Variants in PDGFRA observed in about 807,000 individuals in gnomAD.
PDGFRA encodes the protein platelet-derived growth factor receptor alpha.
In PDGFRA, 25 loss-of-function variants were observed where a neutral mutation model predicts 121.5. The observed-to-expected ratio is 0.21, with a 90% CI of 0.15 to 0.29. The LOEUF is 0.29. Ranked by LOEUF, PDGFRA falls within the 10% of genes least tolerant of loss-of-function variation. PDGFRA has a pLI of 1.00. For synonymous variants in PDGFRA, 463 were observed against 494.8 expected (o/e 0.94, Z 0.85); for missense variants, 1,008 against 1,345.1 (o/e 0.75, Z 3.92).
rs377696807 is a variant in PDGFRA at position 54,273,768 on chromosome 4, G to A, written c.1558+38G>A. 3.9e-6 allele frequency: 6 copies of A among 1,538,914 alleles called. No individual in the cohort carries two copies. In the African/African-American group the frequency reaches 5.4e-5, roughly 14 times the overall value. Reference sequence around the variant, plus strand: ...ACAGTCAGGACAACTCATCAGCTGAGCCGCATCTGCCCCAGGCGGAACTTT... The same window carrying A: ...ACAGTCAGGACAACTCATCAGCTGAACCGCATCTGCCCCAGGCGGAACTTT... On this transcript the variant is annotated intron_variant, in intron 10 of 22. Coordinates refer to ENST00000257290, the MANE Select transcript of PDGFRA (RefSeq NM_006206.6).
At chr4:54,239,754 G>A (rs552746235) in intron 1 of PDGFRA, among the ~76,000 whole-genome samples, 80 of 152,282 alleles carry the variant, frequency 5.3e-4, no homozygotes, top group African/African-American at 1.6e-3. Context: ...ATGGGAGCAC[G>A]CCTGGCTGGC....
At chr4:54,236,496 A>C (rs1237537043) in intron 1 of PDGFRA, among the ~76,000 whole-genome samples, 2 of 152,224 alleles carry the variant, frequency 1.3e-5, no homozygotes, top group Admixed American at 1.3e-4. Flanking sequence ...GTTATAGATA[A>C]GTAATGACAT....
At chr4:54,271,408 T>TA (rs1180707856) in intron 8 of PDGFRA, among the ~76,000 whole-genome samples, 1 of 152,220 alleles carries the variant, frequency 6.6e-6, no homozygotes, top group Non-Finnish European at 1.5e-5. Flanking sequence ...CCTAATAACA[T>TA]ACCACAGATG....
At chr4:54,285,219 A>G (rs1724278524) in intron 16 of PDGFRA, 152 bp from the exon 17 acceptor site, 1 of 650,290 alleles carries the variant, frequency 1.5e-6, no homozygotes, top group Non-Finnish European at 2.8e-6. Context: ...TCTAAGATAG[A>G]ATCTTTGCAT....
rs776018656 is a variant in PDGFRA at position 54,258,782 on chromosome 4, A to T, written c.14A>T (p.His5Leu). The T allele has an allele frequency of 6.2e-7, 1 of 1,613,650 alleles. No individual in the cohort carries two copies. Residue 5 changes from histidine (H) to leucine (L), a missense_variant, in exon 2 of 23, where the codon CAT (histidine) becomes CTT (leucine). By Grantham distance (99) the His-to-Leu change is moderately conservative. This residue lies in a region of PDGFRA where 575 missense variants were observed against 701.8 expected (regional missense o/e 0.82). Transcript: ENST00000257290. MGTSHPAFLVLGCLL... is the reference protein window; with the variant it reads MGTSLPAFLVLGCLL... ...TTTCCCAGAGCTATGGGGACTTCCC[A>T]TCCGGCGTTCCTGGTCTTAGGCTGT...
intron 1 of PDGFRA, among the ~76,000 whole-genome samples, chr4:54,247,324 A>T (rs1468303719): frequency 6.6e-6 from 1 of 152,198 alleles, no homozygotes; most frequent in East Asian, 1.9e-4. Context: ...TCCTCAATAA[A>T]ATACTGGCAA....
chr4:54,246,640 C>A (rs1036877059), intron 1 of PDGFRA, among the ~76,000 whole-genome samples: 1 of 151,962 alleles, frequency 6.6e-6, no homozygotes, highest in Non-Finnish European at 1.5e-5. Context: ...GTCACCCTAA[C>A]ATCACAATTA....
intron 15 of PDGFRA, chr4:54,278,903 C>T: frequency 2.2e-6 from 1 of 464,884 alleles, no homozygotes; most frequent in Non-Finnish European, 4.3e-6. Context: ...GAACCTGGAC[C>T]TATAAATGAC....
At chr4:54,255,927 A>G (rs1370029682) in intron 1 of PDGFRA, among the ~76,000 whole-genome samples, 1 of 152,162 alleles carries the variant, frequency 6.6e-6, no homozygotes, top group Non-Finnish European at 1.5e-5. Flanking sequence ...GGCCCACTCC[A>G]TTGCATGAGT....
chr4:54,234,177 A>G (rs922178015), intron 1 of PDGFRA, among the ~76,000 whole-genome samples: 3 of 152,106 alleles, frequency 2.0e-5, no homozygotes, highest in Non-Finnish European at 4.4e-5. Flanking sequence ...GATGGGGATG[A>G]TGATGGGGAT....
In PDGFRA at chr4:54,267,641, G is replaced by T. The variant is rs1723115312; in HGVS notation, c.1021G>T (p.Ala341Ser). 6.2e-7 allele frequency: 1 copy of T among 1,613,732 alleles called. No homozygotes were observed. The highest frequency in any genetic ancestry group is 8.5e-7 in the Non-Finnish European group (1 of 1,179,632). ...CAAACATTTTGTTGTAGAGGTGCGG[G>T]CCTACCCACCTCCCAGGATATCCTG... is the stretch of plus-strand genomic sequence containing the variant. ...EVKHFVVEVR[A>S]YPPPRISWLK... Residue 341 changes from alanine (A) to serine (S), a missense_variant, in exon 7 of 23, where the codon GCC (alanine) becomes TCC (serine). Around this residue, in one of 5 missense-constraint regions of PDGFRA, gnomAD observed 575 missense variants for 701.8 expected, o/e 0.82. Coordinates refer to ENST00000257290, the MANE Select transcript of PDGFRA (RefSeq NM_006206.6).
chr4:54,280,236 A>AGATTGTAGGTCCCC (rs1723993206), intron 15 of PDGFRA, 80 bp from the exon 16 acceptor site: 1 of 315,966 alleles, frequency 3.2e-6, no homozygotes, highest in African/African-American at 4.8e-5. Context: ...AGTACCTGGC[A>AGATTGTAGGTCCCC]CATAATCATC....
chr4:54,232,444 CGACT>C (rs1720738148), intron 1 of PDGFRA, among the ~76,000 whole-genome samples: 1 of 152,220 alleles, frequency 6.6e-6, no homozygotes, highest in African/African-American at 2.4e-5. Context: ...ATGGGAAACC[CGACT>C]TGGGGCGCCT....
At chr4:54,273,386 T>A in intron 9 of PDGFRA, 151 bp from the exon 10 acceptor site, 1 of 681,706 alleles carries the variant, frequency 1.5e-6, no homozygotes, top group South Asian at 1.6e-5. Context: ...CAAGTTTTAA[T>A]GTTCATCTGC....
intron 22 of PDGFRA, among the ~76,000 whole-genome samples, chr4:54,292,399 T>C (rs1724675022): frequency 6.6e-6 from 1 of 152,148 alleles, no homozygotes; most frequent in Non-Finnish European, 1.5e-5. Flanking sequence ...GCCGTTACCG[T>C]CAGCAAACTA....
Position 54,289,070 on chromosome 4 carries a change from C to A in PDGFRA, c.2836C>A (p.Leu946Met). 6.2e-7 allele frequency: 1 copy of A among 1,610,032 alleles called. No homozygotes were observed. Among genetic ancestry groups the A allele is most frequent in the Non-Finnish European group, 8.5e-7 (1 of 1,176,308 alleles). ...GGAGAAGAGACCCTCCTTTTACCAC[C>A]TGAGTGAGATTGTGGAGAATCTGCT... ...EPEKRPSFYHLSEIVENLLPG... is the reference protein window; with the variant it reads ...EPEKRPSFYHMSEIVENLLPG... Residue 946 changes from leucine to methionine, a missense_variant, in exon 21 of 23, where the codon CTG (leucine) becomes ATG (methionine). By Grantham distance (15) the Leu-to-Met change is conservative (BLOSUM62 2). Coordinates refer to ENST00000257290, the MANE Select transcript of PDGFRA (RefSeq NM_006206.6).
At chr4:54,243,659 C>G (rs1721434730) in intron 1 of PDGFRA, 1 of 152,564 alleles carries the variant, frequency 6.6e-6, no homozygotes, top group African/African-American at 2.4e-5. Flanking sequence ...GTGATTTCTG[C>G]ATTTCCATCT....
rs1294435524 is a variant in PDGFRA, at chr4:54,273,541, A to T, written c.1369A>T (p.Asn457Tyr). The change falls in exon 10 of 23, where the codon AAT (asparagine) becomes TAT (tyrosine). Residue 457 changes from asparagine (N) to tyrosine (Y), a missense_variant. Transcript: ENST00000257290. ...WMICKDIKKC[N>Y]NETSWTILAN... ...TTAGGCCCTTTTTCTCTCTAGATGT[A>T]ATAATGAAACTTCCTGGACTATTTT... 1 of 1,613,660 alleles carries T rather than the reference A, an allele frequency of 6.2e-7. No individual in the cohort carries two copies. The highest frequency in any genetic ancestry group is 1.3e-5 in the African/African-American group (1 of 74,904).
rs754091886 is a variant in PDGFRA, at chr4:54,272,469, A to G, written c.1313A>G (p.Glu438Gly). The part of the protein sequence containing the change: ...TGGQTVRCTA[E>G]GTPLPDIEWM... ...GGACAGACGGTGAGGTGCACAGCTG[A>G]AGGCACGCCGCTTCCTGATATTGAG... Residue 438 changes from glutamate to glycine, a missense_variant, in exon 9 of 23, where the codon GAA becomes GGA. Glu to Gly is a moderately conservative substitution (Grantham distance 98). Around this residue, in one of 5 missense-constraint regions of PDGFRA, gnomAD observed 575 missense variants for 701.8 expected, o/e 0.82. Transcript: ENST00000257290. 6.2e-7 allele frequency: 1 copy of G among 1,614,034 alleles called. No homozygotes were observed. Among genetic ancestry groups the G allele is most frequent in the Non-Finnish European group, 8.5e-7 (1 of 1,179,936 alleles).
Sources: allele counts gnomAD v4.1 joint callset (sites outside exome capture counted in the v4.1 genomes callset), GRCh38; gene constraint gnomAD v4.1.1; regional missense constraint gnomAD v4.1.1; transcripts MANE v1.5; gene names NCBI Gene and HGNC (gene_info 2026-07-23, HGNC 2026-07-21).